The following RABGAP1L variants were observed in gnomAD, a reference collection of about 807,000 sequenced individuals.
RABGAP1L encodes the protein rab GTPase-activating protein 1-like.
A neutral mutation model predicts 137.7 loss-of-function variants in RABGAP1L; 63 were observed. That is an observed-to-expected ratio of 0.46 (90% CI 0.37 to 0.56). The LOEUF is 0.56. Ranked by LOEUF, RABGAP1L falls within the 20% of genes least tolerant of loss-of-function variation. The probability of loss-of-function intolerance (pLI) is 0.00; values close to 1 mark genes in which losing one functional copy is unlikely to be tolerated. For synonymous variants in RABGAP1L, 431 were observed against 433.7 expected (o/e 0.99, Z 0.08); for missense variants, 1,095 against 1,244.0 (o/e 0.88, Z 1.80).
intron 15 of RABGAP1L, 65 bp from the exon 16 acceptor site, chr1:174,699,460 A>C: frequency 6.7e-7 from 1 of 1,488,182 alleles, no homozygotes; most frequent in Non-Finnish European, 9.1e-7. Flanking sequence ...AACATGAAGG[A>C]ACTTTTTTGA....
intron 12 of RABGAP1L, among the ~76,000 whole-genome samples, chr1:174,387,674 G>A (rs1686908937): frequency 6.6e-6 from 1 of 151,834 alleles, no homozygotes; most frequent in African/African-American, 2.4e-5. Context: ...CAGAGATGAG[G>A]CTCCAAATGG....
In RABGAP1L at chr1:174,193,793, A is replaced by G. The variant is rs543096533; in HGVS notation, c.-33-25332A>G. ...AACTGTACATTAGTGAATACCTGTCATTTGAAATAGGAGCTTTTAAAATAG... is the reference window on the plus strand; with the variant it reads ...AACTGTACATTAGTGAATACCTGTCGTTTGAAATAGGAGCTTTTAAAATAG... On this transcript the variant is annotated intron_variant, in intron 1 of 25. Coordinates refer to ENST00000681986, the MANE Select transcript of RABGAP1L (RefSeq NM_001366446.1). Among the ~76,000 whole-genome samples the G allele has an allele frequency of 8.5e-5, 13 of 152,320 alleles. 1 individual carries two copies. In the South Asian group the frequency reaches 1.9e-3, roughly 22 times the overall value.
intron 25 of RABGAP1L, 95 bp from the exon 26 acceptor site, chr1:174,989,754 A>G (rs1671923412): frequency 1.5e-6 from 2 of 1,368,048 alleles, no homozygotes; most frequent in East Asian, 5.0e-5. Flanking sequence ...TTGGCAGCAC[A>G]TACCTTGAGA....
chr1:174,413,878 G>A (rs1650231431), intron 13 of RABGAP1L, among the ~76,000 whole-genome samples: 1 of 152,090 alleles, frequency 6.6e-6, no homozygotes, highest in Non-Finnish European at 1.5e-5. Flanking sequence ...GTGTCAGGCA[G>A]TGTACTGATT....
chr1:174,452,004 GTTTA>G (rs1655505108), intron 13 of RABGAP1L, among the ~76,000 whole-genome samples: 1 of 152,094 alleles, frequency 6.6e-6, no homozygotes, highest in South Asian at 2.1e-4. Context: ...CAAATTCTGA[GTTTA>G]TTTATTTACT....
chr1:174,886,988 G>T (rs1323600538), intron 19 of RABGAP1L, among the ~76,000 whole-genome samples: 1 of 152,062 alleles, frequency 6.6e-6, no homozygotes, highest in East Asian at 1.9e-4. Context: ...TGTATTTTTA[G>T]TAGAGATGGG....
At chr1:174,326,136 A>G (rs893833625) in intron 11 of RABGAP1L, among the ~76,000 whole-genome samples, 1 of 152,240 alleles carries the variant, frequency 6.6e-6, no homozygotes, top group African/African-American at 2.4e-5. Context: ...TAATTTGTTA[A>G]TGAGTAGACA....
intron 13 of RABGAP1L, among the ~76,000 whole-genome samples, chr1:174,467,481 A>G (rs1332525775): frequency 6.6e-6 from 1 of 152,146 alleles, no homozygotes; most frequent in Non-Finnish European, 1.5e-5. Flanking sequence ...CATGATTCTC[A>G]GGTCTTTGTT....
intron 11 of RABGAP1L, among the ~76,000 whole-genome samples, chr1:174,343,844 C>A (rs1682198944): frequency 6.6e-6 from 1 of 152,068 alleles, no homozygotes; most frequent in Non-Finnish European, 1.5e-5. Context: ...ATTTACAGAT[C>A]AAAATTACTA....
At chr1:174,344,742 T>C (rs953283972) in intron 11 of RABGAP1L, among the ~76,000 whole-genome samples, 1 of 152,198 alleles carries the variant, frequency 6.6e-6, no homozygotes, top group Non-Finnish European at 1.5e-5. Context: ...AAGGAAAATA[T>C]GTATGAAACA....
chr1:174,509,225 C>G (rs1405205004), intron 13 of RABGAP1L, among the ~76,000 whole-genome samples: 2 of 152,140 alleles, frequency 1.3e-5, no homozygotes, highest in Admixed American at 1.3e-4. Context: ...ATCAAACTAG[C>G]CCATTAAGTA....
At chr1:174,577,390 C>T (rs892501582) in intron 13 of RABGAP1L, among the ~76,000 whole-genome samples, 1 of 151,550 alleles carries the variant, frequency 6.6e-6, no homozygotes, top group East Asian at 1.9e-4. Flanking sequence ...CATTTTTGGT[C>T]CCTAAGTGTA....
At chr1:174,190,298 T>C (rs1344584544) in intron 1 of RABGAP1L, among the ~76,000 whole-genome samples, 21 of 120,084 alleles carry the variant, frequency 1.7e-4, no homozygotes, top group African/African-American at 7.7e-4. Context: ...CGAGACTCCG[T>C]TGCAAAAAAA....
intron 4 of RABGAP1L, among the ~76,000 whole-genome samples, chr1:174,239,115 C>A (rs12091155): frequency 0.29 from 44,602 of 151,966 alleles, 6,959 homozygotes; most frequent in African/African-American, 0.37. Flanking sequence ...AATGCCTCGC[C>A]CTGCTTCGGC....
chr1:174,705,654 T>A (rs1453622350), intron 17 of RABGAP1L: 7 of 152,174 alleles, frequency 4.6e-5, no homozygotes, highest in African/African-American at 1.7e-4. Context: ...GGAAACAATA[T>A]TGTAGTGTGC....
chr1:174,419,115 G>T (rs948501723), intron 13 of RABGAP1L, among the ~76,000 whole-genome samples: 4 of 152,122 alleles, frequency 2.6e-5, no homozygotes, highest in African/African-American at 9.7e-5. Context: ...TGATTTAATG[G>T]TTAGAGTACT....
intron 21 of RABGAP1L, 85 bp from the exon 22 acceptor site, chr1:174,975,993 G>T: frequency 8.0e-7 from 1 of 1,256,594 alleles, no homozygotes; most frequent in Non-Finnish European, 1.1e-6. Flanking sequence ...AGCAACTGAA[G>T]ATTGGGTTTG....
intron 11 of RABGAP1L, among the ~76,000 whole-genome samples, chr1:174,319,211 AT>A (rs1679710949): frequency 6.6e-6 from 1 of 151,900 alleles, no homozygotes; most frequent in Non-Finnish European, 1.5e-5. Flanking sequence ...ATATTCTTTG[AT>A]TTTTTTCCAT....
At chr1:174,496,295 C>T (rs1283354975) in intron 13 of RABGAP1L, among the ~76,000 whole-genome samples, 1 of 152,170 alleles carries the variant, frequency 6.6e-6, no homozygotes. Context: ...CTTTATTCCC[C>T]TGTATACCTT....
Sources: allele counts gnomAD v4.1 joint callset (sites outside exome capture counted in the v4.1 genomes callset), GRCh38; gene constraint gnomAD v4.1.1; transcripts MANE v1.5; gene names NCBI Gene and HGNC (gene_info 2026-07-23, HGNC 2026-07-21).